The following GREB1L variants were observed in gnomAD, a reference collection of about 807,000 sequenced individuals.
The protein encoded by GREB1L is GREB1 like retinoic acid receptor coactivator.
Under a neutral mutation model 200.8 loss-of-function variants are expected in GREB1L, and 17 were observed. The observed-to-expected ratio is 0.08, with a 90% CI of 0.06 to 0.13. GREB1L has a LOEUF of 0.13. Ranked by LOEUF, GREB1L falls within the 10% of genes least tolerant of loss-of-function variation. GREB1L has a pLI of 1.00. For missense variants in GREB1L, 1,657 were observed against 2,367.7 expected (o/e 0.70, Z 6.23); for synonymous variants, 789 against 893.0 (o/e 0.88, Z 2.08).
At chr18:21,500,676 C>A in intron 23 of GREB1L, 34 bp downstream of exon 23, 1 of 1,408,628 alleles carries the variant, frequency 7.1e-7, no homozygotes, top group Non-Finnish European at 9.6e-7. Flanking sequence ...GGCAGAGGGG[C>A]AAGAGACAAA....
chr18:21,349,273 T>G (rs1375597020), intron 1 of GREB1L, among the ~76,000 whole-genome samples: 1 of 152,186 alleles, frequency 6.6e-6, no homozygotes, highest in Non-Finnish European at 1.5e-5. Flanking sequence ...CTTCTAGAAT[T>G]ATATTCAAAT....
At chr18:21,413,579 C>T (rs931297577) in intron 7 of GREB1L, among the ~76,000 whole-genome samples, 16 of 152,292 alleles carry the variant, frequency 1.1e-4, no homozygotes, top group African/African-American at 3.1e-4. Flanking sequence ...TTCCTTTACA[C>T]GGTAAACTCC....
intron 1 of GREB1L, among the ~76,000 whole-genome samples, chr18:21,365,273 A>T (rs985930002): frequency 6.6e-6 from 1 of 152,142 alleles, no homozygotes; most frequent in African/African-American, 2.4e-5. Context: ...TTTTAAACAA[A>T]GTAACAAAGG....
intron 7 of GREB1L, among the ~76,000 whole-genome samples, chr18:21,406,816 A>G (rs957891335): frequency 4.0e-5 from 6 of 148,970 alleles, no homozygotes; most frequent in African/African-American, 1.5e-4. Context: ...AGCTATATAT[A>G]TTCTGTTCTG....
chr18:21,312,373 C>A (rs1285723730), intron 1 of GREB1L, among the ~76,000 whole-genome samples: 2 of 152,122 alleles, frequency 1.3e-5, no homozygotes, highest in African/African-American at 4.8e-5. Context: ...AATGGCAGTT[C>A]TGTTTTTAGC....
chr18:21,507,579 A>G (rs372669121), intron 25 of GREB1L, among the ~76,000 whole-genome samples: 68 of 152,358 alleles, frequency 4.5e-4, no homozygotes, highest in African/African-American at 1.6e-3. Context: ...ATTTGGCTTC[A>G]GTGAGTCAAA....
intron 17 of GREB1L, among the ~76,000 whole-genome samples, chr18:21,483,507 T>G (rs1475168993): frequency 6.6e-6 from 1 of 152,190 alleles, no homozygotes; most frequent in Non-Finnish European, 1.5e-5. Context: ...CTCCAGTATC[T>G]CTAGGAACAT....
intron 1 of GREB1L, among the ~76,000 whole-genome samples, chr18:21,288,597 A>G (rs1393035447): frequency 3.3e-5 from 5 of 152,234 alleles, no homozygotes; most frequent in Admixed American, 1.3e-4. Flanking sequence ...TGAAATAACT[A>G]TTTCCCTTTT....
At chr18:21,267,189 CTTTTTTTTTTTT>C (rs751150056) in intron 1 of GREB1L, among the ~76,000 whole-genome samples, 1 of 108,718 alleles carries the variant, frequency 9.2e-6, no homozygotes, top group Non-Finnish European at 1.8e-5. Flanking sequence ...GCCTCGGCCG[CTTTTTTTTTTTT>C]TTTTTTTTTG....
At chr18:21,243,691 CTT>C (rs2037546809) in intron 1 of GREB1L, among the ~76,000 whole-genome samples, 1 of 152,232 alleles carries the variant, frequency 6.6e-6, no homozygotes, top group Non-Finnish European at 1.5e-5. Flanking sequence ...TGTTTCTTCT[CTT>C]TGCTGAAATT....
intron 22 of GREB1L, 104 bp downstream of exon 22, chr18:21,500,410 A>G (rs1188862988): frequency 4.8e-6 from 4 of 826,582 alleles, no homozygotes; most frequent in Non-Finnish European, 7.9e-6. Flanking sequence ...GGTGTGACAG[A>G]GCAGTGAGGA....
chr18:21,374,850 CTTT>C (rs535722957), intron 2 of GREB1L, among the ~76,000 whole-genome samples: 4 of 130,254 alleles, frequency 3.1e-5, no homozygotes, highest in Non-Finnish European at 4.9e-5. Flanking sequence ...TTTCCTTTTC[CTTT>C]TTTTTTTTTT....
intron 2 of GREB1L, among the ~76,000 whole-genome samples, chr18:21,372,046 T>C (rs376910504): frequency 1.3e-5 from 2 of 152,248 alleles, no homozygotes; most frequent in African/African-American, 4.8e-5. Flanking sequence ...CCTATGACAG[T>C]AGTATTTCTA....
At position 21,485,617 on chromosome 18, in the gene GREB1L, CAGG is replaced by C; in HGVS notation, c.2559_2561del (p.Glu853del). On this transcript the variant is annotated splice_acceptor_variant and coding_sequence_variant, in exon 18 of 33. Coordinates refer to ENST00000424526, the MANE Select transcript of GREB1L (RefSeq NM_001142966.3). LOFTEE classifies it high-confidence loss of function. ...TGGGTTTTTGCTCTGTATTTTGAAC[CAGG>C]AGGACGTGGGCTGCGAGGAGAAGCT... The C allele has an allele frequency of 6.5e-7, 1 of 1,550,346 alleles. No individual in the cohort carries two copies. Among genetic ancestry groups the C allele is most frequent in the Non-Finnish European group, 8.7e-7 (1 of 1,146,378 alleles).
At chr18:21,276,969 C>T (rs1304096975) in intron 1 of GREB1L, among the ~76,000 whole-genome samples, 2 of 142,358 alleles carry the variant, frequency 1.4e-5, no homozygotes, top group African/African-American at 2.7e-5. Flanking sequence ...TGTTCTGTCG[C>T]CCAGGCTGGA....
At chr18:21,387,929 A>T (rs1025611966) in intron 4 of GREB1L, among the ~76,000 whole-genome samples, 1 of 152,226 alleles carries the variant, frequency 6.6e-6, no homozygotes, top group African/African-American at 2.4e-5. Flanking sequence ...TTACTCTCGT[A>T]GGGATCCCTC....
intron 1 of GREB1L, among the ~76,000 whole-genome samples, chr18:21,327,722 A>G (rs1598661663): frequency 3.7e-5 from 5 of 136,776 alleles, no homozygotes; most frequent in Admixed American, 1.5e-4. Context: ...TGGGGTGGGG[A>G]GGTGGGGGGC....
At chr18:21,384,981 C>G (rs1372737589) in intron 4 of GREB1L, among the ~76,000 whole-genome samples, 1 of 152,122 alleles carries the variant, frequency 6.6e-6, no homozygotes, top group East Asian at 1.9e-4. Flanking sequence ...ACCTCCTCTT[C>G]CACCAAGGCT....
intron 1 of GREB1L, among the ~76,000 whole-genome samples, chr18:21,292,013 A>G (rs2038458013): frequency 6.6e-6 from 1 of 152,224 alleles, no homozygotes; most frequent in Non-Finnish European, 1.5e-5. Context: ...CCTTGGTTTT[A>G]AGTATAGAAC....
Sources: allele counts gnomAD v4.1 joint callset (sites outside exome capture counted in the v4.1 genomes callset), GRCh38; gene constraint gnomAD v4.1.1; transcripts MANE v1.5; gene names NCBI Gene and HGNC (gene_info 2026-07-23, HGNC 2026-07-21).